WDR70: variants seen among roughly 807,000 people sequenced by gnomAD.
WDR70 encodes the protein WD repeat domain 70, also known as WD repeat-containing protein 70.
In WDR70, 53 loss-of-function variants were observed where a neutral mutation model predicts 88.6. That is an observed-to-expected ratio of 0.60 (90% CI 0.48 to 0.75). The LOEUF (loss-of-function observed/expected upper bound fraction) is 0.75. WDR70 is among the 30% of genes least tolerant of loss of function. The probability of loss-of-function intolerance (pLI) is 0.00; values close to 1 mark genes in which losing one functional copy is unlikely to be tolerated. For missense variants in WDR70, 610 were observed against 823.2 expected (o/e 0.74, Z 3.17); for synonymous variants, 280 against 270.0 (o/e 1.04, Z -0.36).
At chr5:37,389,053 A>G (rs540694899) in intron 3 of WDR70, among the ~76,000 whole-genome samples, 16 of 151,878 alleles carry the variant, frequency 1.1e-4, no homozygotes, top group African/African-American at 1.7e-4. Flanking sequence ...GATTGGCTGA[A>G]AAAACAGGGT....
chr5:37,748,327 A>G lies in WDR70; in HGVS notation c.1878-4159A>G, dbSNP rs1363261141. 3.9e-5 allele frequency among the ~76,000 whole-genome samples: 6 copies of G among 152,190 alleles called. No homozygotes were observed. The East Asian group carries it at 1.2e-3, about 29-fold the overall frequency. On this transcript the variant is annotated intron_variant, in intron 17 of 17. Coordinates refer to ENST00000265107, the MANE Select transcript of WDR70 (RefSeq NM_018034.4). ...AAACCTACACATCTACAACCATCTG[A>G]TCTTCGACAAACCTGACAAAGACAA...
At chr5:37,624,218 C>T (rs936074018) in intron 10 of WDR70, among the ~76,000 whole-genome samples, 1 of 152,162 alleles carries the variant, frequency 6.6e-6, no homozygotes, top group Non-Finnish European at 1.5e-5. Context: ...CTCTACCCTT[C>T]TCAGCCTCTA....
chr5:37,435,224 CTA>C (rs560402933), intron 5 of WDR70, among the ~76,000 whole-genome samples: 308 of 152,190 alleles, frequency 2.0e-3, no homozygotes, highest in African/African-American at 7.1e-3. Context: ...AATTTTCATC[CTA>C]TCTTTTTGGT....
chr5:37,629,531 T>C (rs559320125), intron 10 of WDR70, among the ~76,000 whole-genome samples: 11 of 152,206 alleles, frequency 7.2e-5, no homozygotes, highest in Non-Finnish European at 1.6e-4. Context: ...GTTCAGAAAT[T>C]TTTTCCTCCA....
Position 37,397,652 on chromosome 5 carries a change from G to A in WDR70, c.492+1082G>A, listed in dbSNP as rs181506194. On this transcript the variant is annotated intron_variant, in intron 5 of 17. Transcript: ENST00000265107. ...TATTTGGGAGGAGGCCAGGGATACC[G>A]GTTAACCTTAGATTAGTTTAAGCCA... Among the ~76,000 whole-genome samples, 1,091 of 152,258 alleles carry A rather than the reference G, an allele frequency of 7.2e-3. 17 individuals carry two copies. Among genetic ancestry groups the A allele is most frequent in the Admixed American group, 0.029 (440 of 15,296 alleles).
chr5:37,512,323 A>C (rs1479285876), intron 8 of WDR70, among the ~76,000 whole-genome samples: 1 of 151,972 alleles, frequency 6.6e-6, no homozygotes, highest in African/African-American at 2.4e-5. Context: ...CCTGGGCTCA[A>C]GCCATCCTCC....
rs1322297865 is a variant in WDR70, at chr5:37,382,060, C to G, written c.175+375C>G. 2.7e-5 allele frequency among the ~76,000 whole-genome samples: 4 copies of G among 150,336 alleles called. No homozygotes were observed. The East Asian group carries it at 7.8e-4, about 29-fold the overall frequency. ...AAGAGTGAAATTCCATCTCAGAGAA[C>G]AAAGAGAGAAAAGAATGTTGTTATG... On this transcript the variant is annotated intron_variant, in intron 3 of 17. Transcript: ENST00000265107.
At chr5:37,618,526 C>T (rs555186933) in intron 10 of WDR70, among the ~76,000 whole-genome samples, 5 of 152,158 alleles carry the variant, frequency 3.3e-5, no homozygotes, top group Admixed American at 1.3e-4. Context: ...CCCATCACCA[C>T]GCCTGGCTAA....
At chr5:37,404,341 T>C (rs1213848968) in intron 5 of WDR70, among the ~76,000 whole-genome samples, 1 of 152,216 alleles carries the variant, frequency 6.6e-6, no homozygotes, top group Non-Finnish European at 1.5e-5. Context: ...ATATTGCTTA[T>C]AAAATATTTC....
At chr5:37,446,442 T>G (rs1223154467) in intron 7 of WDR70, among the ~76,000 whole-genome samples, 1 of 152,098 alleles carries the variant, frequency 6.6e-6, no homozygotes, top group African/African-American at 2.4e-5. Context: ...AAAACTACTT[T>G]AAAGTTCATA....
intron 7 of WDR70, among the ~76,000 whole-genome samples, chr5:37,461,907 C>A (rs1739018696): frequency 6.6e-6 from 1 of 152,124 alleles, no homozygotes; most frequent in Admixed American, 6.5e-5. Context: ...CAGCTGCTTC[C>A]ATAAGGGCAT....
chr5:37,567,067 C>T (rs1191739918), intron 9 of WDR70, among the ~76,000 whole-genome samples: 1 of 152,106 alleles, frequency 6.6e-6, no homozygotes, highest in Non-Finnish European at 1.5e-5. Context: ...GCTGTTTTCT[C>T]AATTTTCTCC....
chr5:37,703,179 C>T (rs1010979308), intron 13 of WDR70, 92 bp downstream of exon 13: 22 of 1,493,174 alleles, frequency 1.5e-5, no homozygotes, highest in Middle Eastern at 1.8e-4. Flanking sequence ...GAATATAAGC[C>T]CTGGCCCTTA....
At chr5:37,612,129 CTA>C (rs1326145152) in intron 10 of WDR70, among the ~76,000 whole-genome samples, 2 of 152,154 alleles carry the variant, frequency 1.3e-5, no homozygotes, top group Middle Eastern at 3.4e-3. Context: ...AAAAAGAACT[CTA>C]TTTTATTTTT....
intron 5 of WDR70, among the ~76,000 whole-genome samples, chr5:37,422,801 ATT>A (rs1338616129): frequency 4.6e-5 from 7 of 151,538 alleles, no homozygotes; most frequent in African/African-American, 1.7e-4. Flanking sequence ...TTTTTTTTGT[ATT>A]TTTTGTAGAA....
chr5:37,389,292 C>CA (rs538858219), intron 3 of WDR70, among the ~76,000 whole-genome samples: 3 of 144,574 alleles, frequency 2.1e-5, no homozygotes, highest in African/African-American at 8.7e-5. Context: ...AGGGTTTCAC[C>CA]TGTCGAGACC....
At chr5:37,634,565 A>G (rs150860313) in intron 10 of WDR70, among the ~76,000 whole-genome samples, 4,291 of 152,296 alleles carry the variant, frequency 0.028, 94 homozygotes, top group Non-Finnish European at 0.039. Flanking sequence ...ACTTTGTTCT[A>G]TAAGGAAGAC....
At chr5:37,563,631 T>C (rs1328778569) in intron 9 of WDR70, among the ~76,000 whole-genome samples, 1 of 52,250 alleles carries the variant, frequency 1.9e-5, no homozygotes. Context: ...TCCCCCCGGA[T>C]GGGGCGGCTG....
intron 10 of WDR70, among the ~76,000 whole-genome samples, chr5:37,612,653 C>T (rs1268631714): frequency 6.6e-6 from 1 of 152,102 alleles, no homozygotes; most frequent in Non-Finnish European, 1.5e-5. Flanking sequence ...TGGCTGTGAA[C>T]ATCTTACGCA....
Sources: allele counts gnomAD v4.1 joint callset (sites outside exome capture counted in the v4.1 genomes callset), GRCh38; gene constraint gnomAD v4.1.1; transcripts MANE v1.5; gene names NCBI Gene and HGNC (gene_info 2026-07-23, HGNC 2026-07-21).